The following NSD1 variants were observed in gnomAD, a reference collection of about 807,000 sequenced individuals.
NSD1 encodes nuclear receptor binding SET domain protein 1, also known as histone-lysine N-methyltransferase, H3 lysine-36 specific.
In NSD1, 26 loss-of-function variants were observed where a neutral mutation model predicts 242.7. That is an observed-to-expected ratio of 0.11 (90% confidence interval 0.08 to 0.15). The LOEUF is 0.15. NSD1 is among the 10% of genes least tolerant of loss of function. NSD1 has a pLI of 1.00. For missense variants in NSD1, 2,495 were observed against 3,272.8 expected (o/e 0.76, Z 5.80); for synonymous variants, 1,106 against 1,178.1 (o/e 0.94, Z 1.25).
chr5:177,294,775 A>C lies in NSD1; in HGVS notation c.7407A>C (p.Ala2469=). The C allele has an allele frequency of 6.2e-7, 1 of 1,613,866 alleles. No individual in the cohort carries two copies. The highest frequency in any genetic ancestry group is 8.5e-7 in the Non-Finnish European group (1 of 1,180,038). The change falls in exon 23 of 23, where the codon GCA becomes GCC. Residue 2469 remains alanine (A), a synonymous_variant. Transcript: ENST00000439151. ...TAACTCCTCGCCAGAAGGAGCGGGC[A>C]GCTTCACCTCATCAGGTCACACCAC... ...IDLTPRQKER[A]ASPHQVTPQA...
At chr5:177,262,936 T>C (rs975076916) in intron 14 of NSD1, among the ~76,000 whole-genome samples, 2 of 152,184 alleles carry the variant, frequency 1.3e-5, no homozygotes, top group Non-Finnish European at 2.9e-5. Flanking sequence ...AAAAATGCAG[T>C]TTCACTGAGC....
In NSD1 at chr5:177,211,381, C is replaced by G. The variant is rs766000884; in HGVS notation, c.2982C>G (p.Ser994=). Residue 994 remains serine, a synonymous_variant, in exon 5 of 23, where the codon TCC becomes TCG. Coordinates refer to ENST00000439151, the MANE Select transcript of NSD1 (RefSeq NM_022455.5). ...CATTATCTGGCGAGTTGTCTGCTTC[C>G]CTACCTGGCTTACTGTCCGACAAGA... The part of the protein sequence containing the change: ...DSALSGELSA[S]LPGLLSDKRD... 6.2e-6 allele frequency: 10 copies of G among 1,614,100 alleles called. No homozygotes were observed. In the South Asian group the frequency reaches 9.9e-5, roughly 16 times the overall value.
intron 14 of NSD1, among the ~76,000 whole-genome samples, chr5:177,267,084 C>T (rs1376978511): frequency 6.6e-6 from 1 of 152,196 alleles, no homozygotes; most frequent in African/African-American, 2.4e-5. Context: ...TCTCTAACTC[C>T]TGACCTCAGG....
chr5:177,197,083 A>G (rs1762156081), intron 3 of NSD1, among the ~76,000 whole-genome samples: 2 of 151,906 alleles, frequency 1.3e-5, no homozygotes, highest in Non-Finnish European at 2.9e-5. Flanking sequence ...CCTGGCCAAC[A>G]TGGTGAAACC....
chr5:177,197,262 T>C (rs1762170819), intron 3 of NSD1, among the ~76,000 whole-genome samples: 1 of 149,630 alleles, frequency 6.7e-6, no homozygotes, highest in Non-Finnish European at 1.5e-5. Context: ...GGAGCAAGAC[T>C]CCATCTAAAA....
At position 177,204,248 on chromosome 5, in the gene NSD1, C is replaced by T. The variant is rs1430670372; in HGVS notation, c.1192C>T (p.Leu398Phe). ...GRHQFEELPV[L>F]RRRGKQKEKG... Reference sequence around the variant, plus strand: ...ACATCAATTCGAAGAGCTACCTGTCCTTAGGAGAAGAGGGAAACAGAAAGA... The same window carrying T: ...ACATCAATTCGAAGAGCTACCTGTCTTTAGGAGAAGAGGGAAACAGAAAGA... The change falls in exon 4 of 23, where the codon CTT becomes TTT. Residue 398 changes from leucine to phenylalanine, a missense_variant. Transcript: ENST00000439151. The T allele has an allele frequency of 6.2e-7, 1 of 1,613,742 alleles. No homozygotes were observed. The highest frequency in any genetic ancestry group is 1.3e-5 in the African/African-American group (1 of 74,808).
chr5:177,194,071 C>G (rs965667487), intron 3 of NSD1, among the ~76,000 whole-genome samples: 26 of 152,238 alleles, frequency 1.7e-4, no homozygotes, highest in Non-Finnish European at 3.4e-4. Context: ...GCCACCACAC[C>G]TGGCTGATAT....
Position 177,135,976 on chromosome 5 carries a change from C to T in NSD1, c.873C>T (p.Asn291=), listed in dbSNP as rs2149757078. 1.2e-6 allele frequency: 2 copies of T among 1,614,108 alleles called. No homozygotes were observed. Among genetic ancestry groups the T allele is most frequent in the Middle Eastern group, 1.6e-4 (1 of 6,062 alleles). Residue 291 remains asparagine, a synonymous_variant, in exon 2 of 23, where the codon AAC becomes AAT. Coordinates refer to ENST00000439151, the MANE Select transcript of NSD1 (RefSeq NM_022455.5). ...ATTCCAGTACCAGTACATTAGGAAA[C>T]ATGCTAGAATTACCTGGAACTTCAT... The part of the protein sequence containing the change: ...DPDSSTSTLG[N]MLELPGTSSS...
Position 177,191,119 on chromosome 5 carries a change from C to T in NSD1, c.928-765C>T, listed in dbSNP as rs369062050. Among the ~76,000 whole-genome samples, 11 of 151,882 alleles carry T rather than the reference C, an allele frequency of 7.2e-5. No individual in the cohort carries two copies. The South Asian group carries it at 1.2e-3, about 17-fold the overall frequency. On this transcript the variant is annotated intron_variant, in intron 2 of 22. Transcript: ENST00000439151. Reference sequence around the variant, plus strand: ...GTAACTGGGTAGGATTACAGGTGCCCGCTAACACCCCCGGCTAATTTTTGT... The same window carrying T: ...GTAACTGGGTAGGATTACAGGTGCCTGCTAACACCCCCGGCTAATTTTTGT...
At chr5:177,153,827 G>T (rs565623326) in intron 2 of NSD1, among the ~76,000 whole-genome samples, 1 of 152,250 alleles carries the variant, frequency 6.6e-6, no homozygotes, top group East Asian at 1.9e-4. Flanking sequence ...AATTTTTATA[G>T]TGTTTTTACG....
intron 14 of NSD1, among the ~76,000 whole-genome samples, chr5:177,262,395 G>T (rs1305465402): frequency 6.6e-6 from 1 of 151,916 alleles, no homozygotes; most frequent in Non-Finnish European, 1.5e-5. Flanking sequence ...TTGAGCCCAG[G>T]AATTCAAGAC....
chr5:177,263,434 G>T (rs1757147331), intron 14 of NSD1, among the ~76,000 whole-genome samples: 1 of 152,180 alleles, frequency 6.6e-6, no homozygotes, highest in Non-Finnish European at 1.5e-5. Flanking sequence ...TGCCACCTTA[G>T]TATAAACCAA....
chr5:177,266,413 A>G, intron 14 of NSD1: 1 of 634,740 alleles, frequency 1.6e-6, no homozygotes, highest in Non-Finnish European at 3.0e-6. Flanking sequence ...GCCCACATCC[A>G]GCACCACCTT....
intron 19 of NSD1, 136 bp downstream of exon 19, chr5:177,282,717 G>A (rs1422305202): frequency 3.9e-6 from 3 of 774,974 alleles, no homozygotes; most frequent in Admixed American, 1.7e-5. Flanking sequence ...GCTGGATTGG[G>A]GTTCTGGAGT....
Position 177,264,028 on chromosome 5 carries a change from A to ATTTTTTTTTTTTTTTTTTTTTTTTTTT in NSD1, c.5147-3508_5147-3507insTTTTTTTTTTTTTTTTTTTTTTTTTTT, listed in dbSNP as rs61538775. ...AAGATGCATATGACTCAATGAACCA[A>ATTTTTTTTTTTTTTTTTTTTTTTTTTT]TTTTTTTTTTTTTTTTTTTTTTTTT... On this transcript the variant is annotated intron_variant, in intron 14 of 22. Coordinates refer to ENST00000439151, the MANE Select transcript of NSD1 (RefSeq NM_022455.5). Among the ~76,000 whole-genome samples, 86 of 76,382 alleles carry ATTTTTTTTTTTTTTTTTTTTTTTTTTT rather than the reference A, an allele frequency of 1.1e-3. 13 individuals are homozygous for ATTTTTTTTTTTTTTTTTTTTTTTTTTT. The highest frequency in any genetic ancestry group is 1.6e-3 in the Non-Finnish European group (67 of 40,752). 50.1% of individuals were successfully genotyped at this position (76,382 alleles called of 152,430 possible).
intron 2 of NSD1, among the ~76,000 whole-genome samples, chr5:177,161,473 T>A (rs1758741040): frequency 6.6e-6 from 1 of 151,922 alleles, no homozygotes; most frequent in South Asian, 2.1e-4. Flanking sequence ...CCTTTCCCTA[T>A]ATTCTCCTAT....
chr5:177,161,135 G>T (rs1758714750), intron 2 of NSD1, among the ~76,000 whole-genome samples: 1 of 152,092 alleles, frequency 6.6e-6, no homozygotes, highest in African/African-American at 2.4e-5. Context: ...TGTGATCGCA[G>T]CACTTTAGGA....
chr5:177,167,727 TA>T (rs1169617395), intron 2 of NSD1, among the ~76,000 whole-genome samples: 1 of 152,202 alleles, frequency 6.6e-6, no homozygotes, highest in African/African-American at 2.4e-5. Context: ...TGGTTTTACT[TA>T]GAGTTTTTGA....
intron 20 of NSD1, among the ~76,000 whole-genome samples, chr5:177,286,122 A>G (rs1181868080): frequency 6.6e-6 from 1 of 152,160 alleles, no homozygotes; most frequent in Admixed American, 6.5e-5. Flanking sequence ...TCGGCCTCCC[A>G]AAGTGCTAGA....
Sources: gnomAD v4.1 joint callset for allele counts (sites outside exome capture counted in the v4.1 genomes callset) on GRCh38, gnomAD v4.1.1 for gene constraint, MANE v1.5 for transcripts, NCBI Gene and HGNC (gene_info 2026-07-23, HGNC 2026-07-21) for gene names.